RYR1: variants seen among roughly 807,000 people sequenced by gnomAD.
RYR1 encodes the protein central core disease of muscle.
In RYR1, 342 loss-of-function variants were observed where a neutral mutation model predicts 583.5. That is an observed-to-expected ratio of 0.59 (90% CI 0.54 to 0.64). RYR1 has a LOEUF of 0.64. Ranked by LOEUF, RYR1 falls within the 30% of genes least tolerant of loss-of-function variation. The pLI is 0.00. For missense variants in RYR1, 6,032 were observed against 6,917.2 expected, an observed-to-expected ratio of 0.87 and a Z score of 4.54; for synonymous variants, 2,791 against 2,822.5, an observed-to-expected ratio of 0.99 and a Z score of 0.35.
Position 38,528,993 on chromosome 19 carries a change from A to G in RYR1, c.11077A>G (p.Lys3693Glu). 1 of 1,613,524 alleles carries G rather than the reference A, an allele frequency of 6.2e-7. No homozygotes were observed. Among genetic ancestry groups the G allele is most frequent in the South Asian group, 1.1e-5 (1 of 90,932 alleles). The stretch of plus-strand genomic sequence containing the variant: ...GGAGGAGGAGGAAGAGGTGGAAGAG[A>G]AGAAGCCAGACCCCCTGCACCAGTT... Reference protein sequence around the residue: ...QEEEEEEVEEKKPDPLHQLVL... With the variant: ...QEEEEEEVEEEKPDPLHQLVL... Residue 3693 changes from lysine (K) to glutamate (E), a missense_variant, in exon 76 of 106, where the codon AAG becomes GAG. This residue lies in a region of RYR1 where 1,493 missense variants were observed against 1,715.5 expected (regional missense o/e 0.87). Transcript: ENST00000359596.
intron 93 of RYR1, 92 bp downstream of exon 93, chr19:38,568,009 A>G: frequency 6.9e-7 from 1 of 1,457,354 alleles, no homozygotes; most frequent in Non-Finnish European, 9.5e-7. Context: ...TCTTGAGTTC[A>G]TCTGTTCAAG....
At chr19:38,447,259 G>T (rs1568439310) in intron 9 of RYR1, among the ~76,000 whole-genome samples, 1 of 151,882 alleles carries the variant, frequency 6.6e-6, no homozygotes, top group Non-Finnish European at 1.5e-5. Context: ...AACAAAAAGA[G>T]GCCAAGCGTG....
Position 38,477,880 on chromosome 19 carries a change from C to CGGG in RYR1, c.4454+10_4454+11insGGG. The CGGG allele has an allele frequency of 1.4e-6, 1 of 691,982 alleles. No individual in the cohort carries two copies. Among genetic ancestry groups the CGGG allele is most frequent in the East Asian group, 5.2e-5 (1 of 19,254 alleles). The allele number at this position is 691,982 out of a possible 1,614,324, so 42.9% of individuals were successfully genotyped here. A position where few individuals can be genotyped will look rare whatever the true frequency, so the allele number is the denominator to read the frequency against. Reference sequence around the variant, plus strand: ...GCAACGTCCACAGCAGGTGCCGGGGCTGGGGGGAGGTGGGAGGTGCAGGGT... The same window carrying CGGG: ...GCAACGTCCACAGCAGGTGCCGGGGCGGGTGGGGGGAGGTGGGAGGTGCAGGGT... On this transcript the variant is annotated intron_variant, in intron 30 of 105. Transcript: ENST00000359596.
chr19:38,564,427 A>G (rs529165762), intron 90 of RYR1, among the ~76,000 whole-genome samples: 1 of 152,200 alleles, frequency 6.6e-6, no homozygotes, highest in South Asian at 2.1e-4. Context: ...CAGGAGGCCG[A>G]GGCATGGGGA....
At chr19:38,567,720 T>TGA in intron 92 of RYR1, 53 bp from the exon 93 acceptor site, 1 of 1,613,950 alleles carries the variant, frequency 6.2e-7, no homozygotes. Context: ...ATGAATGAAC[T>TGA]CATGCATTGC....
chr19:38,565,740 AG>A lies in RYR1; in HGVS notation c.13409del (p.Gly4470AlafsTer81). ...ACGCCTGCGGAACCGCCCACACCCG[AG>A]GGCTCTCCCATCCTCAAGAGGAAAT... ...DTTPAEPPTP[E>X]GSPILKRKLG... On this transcript the variant is annotated frameshift_variant, in exon 91 of 106. Transcript: ENST00000359596. LOFTEE classifies it high-confidence loss of function. The surrounding 1 kb of genome is among the most constrained non-coding windows in gnomAD (Gnocchi z 4.7). 7.0e-7 allele frequency: 1 copy of A among 1,426,056 alleles called. No homozygotes were observed. The highest frequency in any genetic ancestry group is 9.1e-7 in the Non-Finnish European group (1 of 1,098,104). 88.3% of individuals were successfully genotyped at this position (1,426,056 alleles called of 1,614,324 possible). A position where few individuals can be genotyped will look rare whatever the true frequency, so the allele number is the denominator to read the frequency against.
chr19:38,475,486 C>G, intron 29 of RYR1, 36 bp downstream of exon 29: 1 of 1,611,696 alleles, frequency 6.2e-7, no homozygotes, highest in Middle Eastern at 1.6e-4. Context: ...GGGGTCCCCC[C>G]GCATAGCATA....
Position 38,448,477 on chromosome 19 carries a change from C to T in RYR1, c.923C>T (p.Thr308Ile). The change falls in exon 10 of 106, where the codon ACC becomes ATC. Residue 308 changes from threonine (T) to isoleucine (I), a missense_variant. Coordinates refer to ENST00000359596, the MANE Select transcript of RYR1 (RefSeq NM_000540.3). The part of the protein sequence containing the change: ...LVVVDASKAH[T>I]KATSFCFRIS... ...GTGGTTGACGCCAGCAAGGCTCACA[C>T]CAAGGCTACCTCCTTCTGCTTCCGC... 6.2e-7 allele frequency: 1 copy of T among 1,614,028 alleles called. No individual in the cohort carries two copies. The highest frequency in any genetic ancestry group is 8.5e-7 in the Non-Finnish European group (1 of 1,180,012).
At chr19:38,529,286 G>T (rs1406497431) in intron 76 of RYR1, among the ~76,000 whole-genome samples, 1 of 152,242 alleles carries the variant, frequency 6.6e-6, no homozygotes, top group African/African-American at 2.4e-5. Flanking sequence ...TTCAAGACCA[G>T]CCTGGCCAAT....
At chr19:38,439,853 A>G (rs1417166470) in intron 1 of RYR1, among the ~76,000 whole-genome samples, 1 of 152,200 alleles carries the variant, frequency 6.6e-6, no homozygotes, top group African/African-American at 2.4e-5. Flanking sequence ...CCGGGCTGTC[A>G]CATTGCATTC....
chr19:38,532,804 T>C, intron 78 of RYR1, 68 bp downstream of exon 78: 2 of 1,501,520 alleles, frequency 1.3e-6, no homozygotes, highest in Non-Finnish European at 1.8e-6. Context: ...CTCCCATTCA[T>C]TCAGCATGTG....
At chr19:38,457,428 T>A in intron 16 of RYR1, 69 bp from the exon 17 acceptor site, 1 of 1,612,278 alleles carries the variant, frequency 6.2e-7, no homozygotes, top group Non-Finnish European at 8.5e-7. Context: ...CTTCCCTCCC[T>A]CCCAGGGTTC....
At chr19:38,532,435 T>G in intron 76 of RYR1, 55 bp from the exon 77 acceptor site, 1 of 1,586,766 alleles carries the variant, frequency 6.3e-7, no homozygotes, top group Admixed American at 1.7e-5. Context: ...GAAGCTCTTA[T>G]AAGATGGGGG....
intron 31 of RYR1, among the ~76,000 whole-genome samples, chr19:38,479,549 A>G (rs578099226): frequency 6.6e-6 from 1 of 151,586 alleles, no homozygotes; most frequent in African/African-American, 2.4e-5. Flanking sequence ...CTGGGACTAT[A>G]GGCATGCACC....
chr19:38,517,483 C>T lies in RYR1; in HGVS notation c.9810C>T (p.Ile3270=), dbSNP rs767400168. The change falls in exon 66 of 106, where the codon ATC becomes ATT. Residue 3270 remains isoleucine, a synonymous_variant. Transcript: ENST00000359596. ...GARYTEMPHV[I]EITLPMLCSY... is the part of the protein sequence containing the mutation. ...GCTACACAGAGATGCCGCATGTCAT[C>T]GAGATCACGCTGCCCATGCTATGCA... The T allele has an allele frequency of 6.2e-6, 10 of 1,613,992 alleles. No individual in the cohort carries two copies. The highest frequency in any genetic ancestry group is 2.7e-5 in the African/African-American group (2 of 74,894).
chr19:38,536,910 A>G (rs750885671), intron 83 of RYR1, 143 bp downstream of exon 83: 35 of 821,176 alleles, frequency 4.3e-5, no homozygotes, highest in Non-Finnish European at 6.8e-5. Context: ...CCAGTGCAAA[A>G]CCTGGAGATC....
rs1972636449 is a variant in RYR1 at position 38,440,790 on chromosome 19, C to A, written c.91C>A (p.Gln31Lys). ...LQCSATVLKEQLKLCLAAEGF... is the reference protein window; with the variant it reads ...LQCSATVLKEKLKLCLAAEGF... Reference sequence around the variant, plus strand: ...GTGCAGCGCTACCGTGCTCAAGGAGCAGCTCAAGCTCTGCCTGGCCGCCGA... The same window carrying A: ...GTGCAGCGCTACCGTGCTCAAGGAGAAGCTCAAGCTCTGCCTGGCCGCCGA... Residue 31 changes from glutamine to lysine, a missense_variant, in exon 2 of 106, where the codon CAG becomes AAG. Coordinates refer to ENST00000359596, the MANE Select transcript of RYR1 (RefSeq NM_000540.3). 6.2e-7 allele frequency: 1 copy of A among 1,609,048 alleles called. No individual in the cohort carries two copies. The highest frequency in any genetic ancestry group is 2.2e-5 in the East Asian group (1 of 44,770).
intron 101 of RYR1, among the ~76,000 whole-genome samples, chr19:38,582,509 G>T (rs553720981): frequency 6.6e-6 from 1 of 151,652 alleles, no homozygotes; most frequent in Admixed American, 6.6e-5. Flanking sequence ...ACCCAGGCCG[G>T]GCGCAGTGAC....
chr19:38,548,196 G>T lies in RYR1; in HGVS notation c.12095-37G>T, dbSNP rs370396026. On this transcript the variant is annotated intron_variant, in intron 88 of 105. Coordinates refer to ENST00000359596, the MANE Select transcript of RYR1 (RefSeq NM_000540.3). ...AAGCCTGGTGGGGCCCCAGAAGGGA[G>T]TGTTCACCGGCCACACTGACCTGGG... 1.8e-5 allele frequency: 29 copies of T among 1,612,794 alleles called. No individual in the cohort carries two copies. The African/African-American group carries it at 3.9e-4, about 22-fold the overall frequency.
Sources: gnomAD v4.1 joint callset for allele counts (sites outside exome capture counted in the v4.1 genomes callset) on GRCh38, gnomAD v4.1.1 for gene constraint, gnomAD v4.1.1 regional missense constraint, Gnocchi (gnomAD v3.1) non-coding constraint, MANE v1.5 for transcripts, NCBI Gene and HGNC (gene_info 2026-07-23, HGNC 2026-07-21) for gene names.